NALF1: variants seen among roughly 807,000 people sequenced by gnomAD.
The protein encoded by NALF1 is family with sequence similarity 155 member A.
NALF1 carries 3 observed loss-of-function variants against 48.4 expected under a neutral mutation model. The observed-to-expected ratio is 0.06, with a 90% CI of 0.03 to 0.16. The LOEUF (loss-of-function observed/expected upper bound fraction) is 0.16. Ranked by LOEUF, NALF1 falls within the 10% of genes least tolerant of loss-of-function variation. NALF1 has a pLI of 1.00. For missense variants in NALF1, 526 were observed against 571.5 expected (o/e 0.92, Z 0.81); for synonymous variants, 262 against 245.7 (o/e 1.07, Z -0.62).
At chr13:107,780,503 C>CTTTT (rs201071204) in intron 1 of NALF1, among the ~76,000 whole-genome samples, 3 of 144,420 alleles carry the variant, frequency 2.1e-5, no homozygotes, top group African/African-American at 7.6e-5. Flanking sequence ...AGAGTTTTAA[C>CTTTT]TTTTTTTTTT....
intron 1 of NALF1, among the ~76,000 whole-genome samples, chr13:107,534,262 C>T (rs1258085388): frequency 1.3e-5 from 2 of 152,036 alleles, no homozygotes; most frequent in Non-Finnish European, 2.9e-5. Flanking sequence ...AACATGTTTA[C>T]TTCAGAATTT....
At chr13:107,639,376 A>C (rs1271753341) in intron 1 of NALF1, among the ~76,000 whole-genome samples, 5 of 152,142 alleles carry the variant, frequency 3.3e-5, no homozygotes, top group Admixed American at 3.3e-4. Flanking sequence ...CAGCCAAAAA[A>C]AACACGATAG....
At chr13:107,717,203 G>T (rs150902304) in intron 1 of NALF1, among the ~76,000 whole-genome samples, 2 of 152,256 alleles carry the variant, frequency 1.3e-5, no homozygotes, top group East Asian at 3.9e-4. Context: ...ATAAACATGA[G>T]TAAAATCTCT....
intron 1 of NALF1, among the ~76,000 whole-genome samples, chr13:107,604,508 A>T (rs542264885): frequency 6.6e-6 from 1 of 152,138 alleles, no homozygotes; most frequent in East Asian, 1.9e-4. Flanking sequence ...AACATTGCTG[A>T]TTTCAGAAAA....
At chr13:107,647,670 A>G (rs962249915) in intron 1 of NALF1, among the ~76,000 whole-genome samples, 2 of 152,114 alleles carry the variant, frequency 1.3e-5, no homozygotes, top group Non-Finnish European at 1.5e-5. Context: ...ACAAGTTACT[A>G]ATATCTGAGT....
chr13:107,796,169 T>C (rs1325897175), intron 1 of NALF1, among the ~76,000 whole-genome samples: 1 of 152,182 alleles, frequency 6.6e-6, no homozygotes, highest in Non-Finnish European at 1.5e-5. Context: ...TATATTTCCC[T>C]CTTCAAATTT....
chr13:107,201,799 A>ACAAG (rs1879526803), intron 2 of NALF1, among the ~76,000 whole-genome samples: 1 of 152,158 alleles, frequency 6.6e-6, no homozygotes, highest in South Asian at 2.1e-4. Context: ...TGTCCCTAAG[A>ACAAG]CAAGCCCAAA....
At chr13:107,491,190 T>A in intron 1 of NALF1, among the ~76,000 whole-genome samples, 1 of 152,186 alleles carries the variant, frequency 6.6e-6, no homozygotes, top group East Asian at 1.9e-4. Context: ...GGATGGTTGT[T>A]CAGGTGTGGT....
Position 107,828,492 on chromosome 13 carries a change from GT to G in NALF1, c.915+37189del, listed in dbSNP as rs35255869. Among the ~76,000 whole-genome samples the G allele has an allele frequency of 6.3e-3, 857 of 136,734 alleles. 6 individuals are homozygous for G. Among genetic ancestry groups the G allele is most frequent in the African/African-American group, 0.018 (668 of 37,168 alleles). The allele number at this position is 136,734 out of a possible 152,430, so 89.7% of individuals were successfully genotyped here. On this transcript the variant is annotated intron_variant, in intron 1 of 2. Coordinates refer to ENST00000375915, the MANE Select transcript of NALF1 (RefSeq NM_001080396.3). ...CTTTTTGTAGTTGAGCCACTGACTT[GT>G]TTTTTTTTTTTTTTCTTTCAAAGAG... is the stretch of plus-strand genomic sequence containing the variant.
At chr13:107,324,169 T>C (rs1050711903) in intron 1 of NALF1, among the ~76,000 whole-genome samples, 2 of 152,220 alleles carry the variant, frequency 1.3e-5, no homozygotes, top group South Asian at 2.1e-4. Flanking sequence ...TAGAGTGTTT[T>C]CATTTGTATT....
intron 1 of NALF1, among the ~76,000 whole-genome samples, chr13:107,495,417 T>C (rs1211975937): frequency 6.6e-6 from 1 of 152,224 alleles, no homozygotes; most frequent in Non-Finnish European, 1.5e-5. Context: ...AGTTGATTTT[T>C]GATATCTTGT....
chr13:107,261,650 T>G (rs569457575), intron 1 of NALF1, among the ~76,000 whole-genome samples: 1 of 152,242 alleles, frequency 6.6e-6, no homozygotes, highest in Non-Finnish European at 1.5e-5. Context: ...GAGAGTGTTT[T>G]ATCATCTGGG....
At chr13:107,197,902 T>C (rs1030639481) in intron 2 of NALF1, among the ~76,000 whole-genome samples, 1 of 152,196 alleles carries the variant, frequency 6.6e-6, no homozygotes, top group Non-Finnish European at 1.5e-5. Context: ...ATTTTCCTGG[T>C]AAGGATTAAG....
intron 1 of NALF1, among the ~76,000 whole-genome samples, chr13:107,395,828 C>T (rs1002522957): frequency 6.6e-6 from 1 of 151,978 alleles, no homozygotes. Context: ...TGTCTGTGCC[C>T]CAACCTCCTT....
At chr13:107,848,752 C>A (rs1289709286) in intron 1 of NALF1, among the ~76,000 whole-genome samples, 1 of 152,158 alleles carries the variant, frequency 6.6e-6, no homozygotes, top group Non-Finnish European at 1.5e-5. Context: ...CATAACTCTT[C>A]AAATGAAAAA....
In NALF1 at chr13:107,170,621, T is replaced by C; in HGVS notation, c.1253A>G (p.Lys418Arg). The C allele has an allele frequency of 6.2e-7, 1 of 1,614,230 alleles. No individual in the cohort carries two copies. The highest frequency in any genetic ancestry group is 8.5e-7 in the Non-Finnish European group (1 of 1,180,030). ...GAGAATCAGTACAAGAACACACAGC[T>C]TGAGTCTGCTGTTGCACAGTCTTGT... ...SATRLCNSRLKLCVLVLILLH... is the reference protein window; with the variant it reads ...SATRLCNSRLRLCVLVLILLH... The change falls in exon 3 of 3, where the codon AAG becomes AGG. Residue 418 changes from lysine to arginine, a missense_variant. Coordinates refer to ENST00000375915, the MANE Select transcript of NALF1 (RefSeq NM_001080396.3).
rs1346770851 is a variant in NALF1, at chr13:107,168,843, C to T, written c.*1654G>A. On this transcript the variant is annotated 3_prime_UTR_variant, in exon 3 of 3. Transcript: ENST00000375915. Reference sequence around the variant, plus strand: ...AATTTCATAGCTATAAAGTTAATAACTAAATTTTGTTCACTAAGAGGACCT... The same window carrying T: ...AATTTCATAGCTATAAAGTTAATAATTAAATTTTGTTCACTAAGAGGACCT... 1.3e-5 allele frequency: 2 copies of T among 152,522 alleles called. No homozygotes were observed. The highest frequency in any genetic ancestry group is 4.8e-5 in the African/African-American group (2 of 41,414). 9.4% of individuals were successfully genotyped at this position (152,522 alleles called of 1,614,324 possible).
intron 1 of NALF1, among the ~76,000 whole-genome samples, chr13:107,654,293 CTG>C (rs1880521914): frequency 6.6e-6 from 1 of 152,114 alleles, no homozygotes; most frequent in African/African-American, 2.4e-5. Flanking sequence ...GAAAAAGTAA[CTG>C]TAGTTTTTGC....
intron 1 of NALF1, among the ~76,000 whole-genome samples, chr13:107,493,529 A>G (rs753644196): frequency 1.4e-4 from 21 of 152,152 alleles, no homozygotes; most frequent in Non-Finnish European, 2.4e-4. Flanking sequence ...TTAGGAATGT[A>G]TAGAAATAAA....
Sources: allele counts gnomAD v4.1 joint callset (sites outside exome capture counted in the v4.1 genomes callset), GRCh38; gene constraint gnomAD v4.1.1; transcripts MANE v1.5; gene names NCBI Gene and HGNC (gene_info 2026-07-23, HGNC 2026-07-21).